Variants in ATP11B observed in about 807,000 individuals in gnomAD.
The protein encoded by ATP11B is phospholipid-transporting ATPase IF.
Under a neutral mutation model 157.8 loss-of-function variants are expected in ATP11B, and 81 were observed. The ratio of observed to expected loss-of-function variants is 0.51; its 90% CI spans 0.43 to 0.62. ATP11B has a LOEUF of 0.62. ATP11B is among the 20% of genes least tolerant of loss of function. The probability of loss-of-function intolerance (pLI) is 0.00; values close to 1 mark genes in which losing one functional copy is unlikely to be tolerated. For synonymous variants in ATP11B, 451 were observed against 469.4 expected (o/e 0.96, Z 0.51); for missense variants, 1,165 against 1,402.2 (o/e 0.83, Z 2.70).
intron 25 of ATP11B, 120 bp downstream of exon 25, chr3:182,889,668 A>G: frequency 2.2e-6 from 2 of 909,664 alleles, no homozygotes; most frequent in South Asian, 2.0e-5. Context: ...ATGCAAATAT[A>G]AAAAGGTTTA....
intron 1 of ATP11B, among the ~76,000 whole-genome samples, chr3:182,810,954 C>T (rs1485697628): frequency 6.6e-6 from 1 of 152,008 alleles, no homozygotes; most frequent in Non-Finnish European, 1.5e-5. Context: ...AAATAAGTTG[C>T]TTATACAAGT....
At chr3:182,850,792 A>G (rs1445785124) in intron 10 of ATP11B, among the ~76,000 whole-genome samples, 3 of 152,218 alleles carry the variant, frequency 2.0e-5, no homozygotes, top group Non-Finnish European at 4.4e-5. Context: ...TTGCATGTTT[A>G]TTGCAGCACT....
At chr3:182,805,598 G>C (rs1474654153) in intron 1 of ATP11B, among the ~76,000 whole-genome samples, 2 of 151,204 alleles carry the variant, frequency 1.3e-5, no homozygotes, top group Non-Finnish European at 2.9e-5. Context: ...GGTATTATAG[G>C]CGCGTGCTAC....
intron 17 of ATP11B, among the ~76,000 whole-genome samples, chr3:182,870,749 A>G (rs963966768): frequency 2.7e-5 from 4 of 150,500 alleles, no homozygotes; most frequent in Admixed American, 6.6e-5. Context: ...CGAGGCTAGC[A>G]GATCACGAGG....
chr3:182,823,522 G>T (rs2108500989), intron 2 of ATP11B, among the ~76,000 whole-genome samples: 2 of 152,184 alleles, frequency 1.3e-5, no homozygotes, highest in South Asian at 4.2e-4. Context: ...CTGTAGCCTT[G>T]TAGTATAGTT....
intron 1 of ATP11B, among the ~76,000 whole-genome samples, chr3:182,798,402 G>T (rs1419497906): frequency 6.6e-6 from 1 of 152,210 alleles, no homozygotes; most frequent in African/African-American, 2.4e-5. Flanking sequence ...TGAAGGAATA[G>T]AAAAAGGAAG....
chr3:182,886,931 A>C (rs1560114279), intron 23 of ATP11B, among the ~76,000 whole-genome samples: 1 of 152,232 alleles, frequency 6.6e-6, no homozygotes, highest in Non-Finnish European at 1.5e-5. Flanking sequence ...TGAACTAAAG[A>C]ATATGCTAAG....
At chr3:182,839,594 T>G (rs1294246205) in intron 7 of ATP11B, among the ~76,000 whole-genome samples, 1 of 151,792 alleles carries the variant, frequency 6.6e-6, no homozygotes, top group Non-Finnish European at 1.5e-5. Context: ...TTCTTTTCCA[T>G]TTTTTAAATA....
intron 28 of ATP11B, among the ~76,000 whole-genome samples, chr3:182,901,356 A>G (rs898231531): frequency 2.0e-5 from 3 of 150,640 alleles, no homozygotes; most frequent in Admixed American, 6.6e-5. Flanking sequence ...AAAAAAAACA[A>G]AAAAAAAACC....
intron 2 of ATP11B, among the ~76,000 whole-genome samples, chr3:182,827,792 A>G (rs1298963469): frequency 4.6e-5 from 7 of 151,796 alleles, no homozygotes; most frequent in Non-Finnish European, 8.8e-5. Flanking sequence ...TTGTATACCA[A>G]AATCCAAAAT....
At chr3:182,879,775 ACATCT>A in intron 20 of ATP11B, 126 bp downstream of exon 20, 1 of 789,822 alleles carries the variant, frequency 1.3e-6, no homozygotes, top group Non-Finnish European at 1.8e-6. Flanking sequence ...GGAGTCAGTC[ACATCT>A]CATGTTGTAA....
At chr3:182,819,281 C>T (rs1032985300) in intron 1 of ATP11B, among the ~76,000 whole-genome samples, 2 of 151,888 alleles carry the variant, frequency 1.3e-5, no homozygotes, top group Non-Finnish European at 2.9e-5. Context: ...CCATGTTGGC[C>T]AGGATGGTCT....
At chr3:182,870,586 T>G (rs1721581476) in intron 17 of ATP11B, among the ~76,000 whole-genome samples, 1 of 152,248 alleles carries the variant, frequency 6.6e-6, no homozygotes, top group African/African-American at 2.4e-5. Flanking sequence ...TTAATTCATA[T>G]ATTAATAACA....
intron 1 of ATP11B, among the ~76,000 whole-genome samples, chr3:182,802,824 A>G (rs1481861728): frequency 1.3e-5 from 2 of 152,064 alleles, no homozygotes; most frequent in Non-Finnish European, 2.9e-5. Flanking sequence ...TCTCCATTTA[A>G]CAAAAGCCAT....
intron 4 of ATP11B, among the ~76,000 whole-genome samples, chr3:182,831,738 A>G (rs1718160174): frequency 6.6e-6 from 1 of 152,110 alleles, no homozygotes; most frequent in African/African-American, 2.4e-5. Context: ...CTCTATACTT[A>G]AACTTTGACC....
chr3:182,900,602 G>GAA (rs113269324), intron 28 of ATP11B, among the ~76,000 whole-genome samples: 3 of 150,306 alleles, frequency 2.0e-5, no homozygotes, highest in Non-Finnish European at 3.0e-5. Flanking sequence ...CTAATCTTCT[G>GAA]AAAAAAAAAT....
rs766071092 is a variant in ATP11B at position 182,866,426 on chromosome 3, A to G, written c.1602A>G (p.Leu534=). The change falls in exon 14 of 30, where the codon CTA becomes CTG. Residue 534 remains leucine (L), a synonymous_variant. Coordinates refer to ENST00000323116, the MANE Select transcript of ATP11B (RefSeq NM_014616.3). ...YYASSPDEKA[L]VEAAARIGIV... ...CATCTTCACCAGATGAAAAGGCTCT[A>G]GTAGAAGCTGCTGCAAGGTAATTTA... The G allele has an allele frequency of 1.9e-6, 3 of 1,606,032 alleles. No individual in the cohort carries two copies. Among genetic ancestry groups the G allele is most frequent in the Non-Finnish European group, 1.7e-6 (2 of 1,175,452 alleles).
chr3:182,865,895 G>T (rs927926514), intron 13 of ATP11B, among the ~76,000 whole-genome samples, 197 bp downstream of exon 13: 1 of 151,412 alleles, frequency 6.6e-6, no homozygotes, highest in Admixed American at 6.6e-5. Context: ...TATTTAATAC[G>T]TGTCTGCCTT....
chr3:182,832,455 A>G (rs1428771461), intron 4 of ATP11B, among the ~76,000 whole-genome samples: 2 of 152,212 alleles, frequency 1.3e-5, no homozygotes, highest in Non-Finnish European at 2.9e-5. Context: ...TACACAGAAT[A>G]CTTCCATATA....
Sources: allele counts gnomAD v4.1 joint callset (sites outside exome capture counted in the v4.1 genomes callset), GRCh38; gene constraint gnomAD v4.1.1; transcripts MANE v1.5; gene names NCBI Gene and HGNC (gene_info 2026-07-23, HGNC 2026-07-21).